The following NF2 variants were observed in gnomAD, a reference collection of about 807,000 sequenced individuals.
NF2 encodes merlin.
Under a neutral mutation model 83.7 loss-of-function variants are expected in NF2, and 8 were observed. The observed-to-expected ratio is 0.10, with a 90% CI of 0.06 to 0.17. The LOEUF (loss-of-function observed/expected upper bound fraction) is 0.17. Ranked by LOEUF, NF2 falls within the 10% of genes least tolerant of loss-of-function variation. The probability of loss-of-function intolerance (pLI) is 1.00; values close to 1 mark genes in which losing one functional copy is unlikely to be tolerated. For missense variants in NF2, 533 were observed against 744.4 expected (o/e 0.72, Z 3.31); for synonymous variants, 266 against 269.6 (o/e 0.99, Z 0.13).
chr22:29,635,775 T>C (rs532594092), intron 1 of NF2, among the ~76,000 whole-genome samples: 1 of 152,336 alleles, frequency 6.6e-6, no homozygotes, highest in East Asian at 1.9e-4. Flanking sequence ...AAGATTACTC[T>C]TTCATGACCA....
At chr22:29,685,708 G>A (rs2067253561) in intron 15 of NF2, among the ~76,000 whole-genome samples, 3 of 152,142 alleles carry the variant, frequency 2.0e-5, no homozygotes, top group Non-Finnish European at 1.5e-5. Context: ...ATCTTGCCTG[G>A]CCATTGTATT....
At chr22:29,648,907 A>T (rs2146939211) in intron 4 of NF2, among the ~76,000 whole-genome samples, 1 of 152,250 alleles carries the variant, frequency 6.6e-6, no homozygotes, top group East Asian at 1.9e-4. Context: ...ATTTTCATTT[A>T]ACTGCCGAAC....
chr22:29,673,796 G>T (rs1364746852), intron 12 of NF2, among the ~76,000 whole-genome samples: 2 of 152,194 alleles, frequency 1.3e-5, no homozygotes, highest in Admixed American at 1.3e-4. Flanking sequence ...TCCACAGACC[G>T]CTTTCAGCTG....
At chr22:29,624,817 CTT>C (rs1413877062) in intron 1 of NF2, among the ~76,000 whole-genome samples, 1 of 127,956 alleles carries the variant, frequency 7.8e-6, no homozygotes. Context: ...TTCTTTCTTT[CTT>C]TCTTTCTTTC....
chr22:29,622,816 T>G (rs1218217082), intron 1 of NF2, among the ~76,000 whole-genome samples: 2 of 151,584 alleles, frequency 1.3e-5, no homozygotes, highest in Non-Finnish European at 2.9e-5. Flanking sequence ...CCACCACACA[T>G]GGCTAATTTT....
At chr22:29,618,295 A>G (rs1470907240) in intron 1 of NF2, among the ~76,000 whole-genome samples, 2 of 152,116 alleles carry the variant, frequency 1.3e-5, no homozygotes, top group African/African-American at 2.4e-5. Flanking sequence ...TGGCAGATGC[A>G]TTTTGAAAAA....
intron 15 of NF2, among the ~76,000 whole-genome samples, chr22:29,693,227 G>T (rs2067453645): frequency 6.6e-6 from 1 of 152,166 alleles, no homozygotes; most frequent in African/African-American, 2.4e-5. Context: ...AGCCCATCCT[G>T]ATGCAGCTCC....
intron 1 of NF2, among the ~76,000 whole-genome samples, chr22:29,624,558 A>G (rs1023747359): frequency 2.0e-5 from 3 of 152,216 alleles, no homozygotes; most frequent in African/African-American, 7.2e-5. Context: ...CACTTGGTTC[A>G]GGGCCTGACC....
At chr22:29,646,863 G>C (rs1405576922) in intron 4 of NF2, among the ~76,000 whole-genome samples, 1 of 152,064 alleles carries the variant, frequency 6.6e-6, no homozygotes, top group Non-Finnish European at 1.5e-5. Flanking sequence ...GACCAATGTG[G>C]TGAAACCTAA....
intron 1 of NF2, among the ~76,000 whole-genome samples, chr22:29,605,669 C>CA (rs1329684433): frequency 1.3e-5 from 2 of 152,006 alleles, no homozygotes; most frequent in Non-Finnish European, 2.9e-5. Context: ...TGAGGGCAAA[C>CA]AACAAATGAA....
chr22:29,624,798 CCTCTTTCTTTCTTTCTTTCTTTCTTT>C (rs1483338269), intron 1 of NF2, among the ~76,000 whole-genome samples: 3 of 141,962 alleles, frequency 2.1e-5, no homozygotes, highest in African/African-American at 8.1e-5. Context: ...GTTGAAGGGT[CCTCTTTCTTTCTTTCTTTCTTTCTTT>C]CTTTCTTTCT....
intron 4 of NF2, among the ~76,000 whole-genome samples, chr22:29,649,006 A>G (rs1049440504): frequency 3.9e-5 from 6 of 152,210 alleles, no homozygotes; most frequent in African/African-American, 7.2e-5. Flanking sequence ...TTGTTTTTCT[A>G]TTGGTGAAAC....
intron 2 of NF2, among the ~76,000 whole-genome samples, 185 bp downstream of exon 2, chr22:29,637,061 C>T (rs1419041902): frequency 6.6e-6 from 1 of 152,202 alleles, no homozygotes; most frequent in Non-Finnish European, 1.5e-5. Context: ...CTCACAGGCT[C>T]TCCTGGGCAA....
intron 1 of NF2, among the ~76,000 whole-genome samples, chr22:29,634,736 G>A (rs2065603021): frequency 6.6e-6 from 1 of 152,186 alleles, no homozygotes; most frequent in African/African-American, 2.4e-5. Flanking sequence ...AGGATAATCA[G>A]CATCCTGAAA....
At chr22:29,671,733 G>C (rs1328905517) in intron 10 of NF2, 93 bp from the exon 11 acceptor site, 26 of 1,580,690 alleles carry the variant, frequency 1.6e-5, no homozygotes, top group Non-Finnish European at 2.2e-5. Flanking sequence ...GGTCCCAAAA[G>C]GGGAGACTGG....
chr22:29,650,947 G>A (rs948487795), intron 4 of NF2, among the ~76,000 whole-genome samples: 1 of 152,172 alleles, frequency 6.6e-6, no homozygotes, highest in Non-Finnish European at 1.5e-5. Flanking sequence ...CATGTATTAT[G>A]AGTTATCAAC....
rs776194172 is a variant in NF2 at position 29,694,835 on chromosome 22, TCTC to T, written c.*36_*38del. The T allele has an allele frequency of 8.7e-6, 14 of 1,608,644 alleles. No individual in the cohort carries two copies. The highest frequency in any genetic ancestry group is 7.8e-5 in the South Asian group (7 of 90,128). ...CCCAGCCACCCCAGGACCTGCCACT[TCTC>T]CTGCTACCGGGACCGCGGGATGGAC... On this transcript the variant is annotated 3_prime_UTR_variant, in exon 16 of 16. Transcript: ENST00000338641. The surrounding 1 kb of genome is among the most constrained non-coding windows in gnomAD (Gnocchi z 4.1).
intron 1 of NF2, among the ~76,000 whole-genome samples, chr22:29,626,408 TCCCAAA>T (rs2065369707): frequency 6.6e-6 from 1 of 152,148 alleles, no homozygotes; most frequent in Admixed American, 6.5e-5. Context: ...CGCTTCGGTC[TCCCAAA>T]GTGCTGGGAT....
intron 1 of NF2, among the ~76,000 whole-genome samples, chr22:29,613,729 A>G (rs1422157100): frequency 6.6e-6 from 1 of 151,714 alleles, no homozygotes; most frequent in Non-Finnish European, 1.5e-5. Flanking sequence ...TACATGCCAC[A>G]GACTGTGAGA....
Sources: gnomAD v4.1 joint callset for allele counts (sites outside exome capture counted in the v4.1 genomes callset) on GRCh38, gnomAD v4.1.1 for gene constraint, Gnocchi (gnomAD v3.1) non-coding constraint, MANE v1.5 for transcripts, NCBI Gene and HGNC (gene_info 2026-07-23, HGNC 2026-07-21) for gene names.